The following ARID1B variants were observed in gnomAD, a reference collection of about 807,000 sequenced individuals.
ARID1B encodes the protein AT-rich interaction domain 1B.
A neutral mutation model predicts 212.3 loss-of-function variants in ARID1B; 30 were observed. The observed-to-expected ratio is 0.14, with a 90% CI of 0.11 to 0.19. The LOEUF (loss-of-function observed/expected upper bound fraction) is 0.19, where lower values mean the gene tolerates loss of function less well. Among genes scored for constraint, ARID1B ranks in the 10% least tolerant of loss-of-function variants. The pLI, the probability that ARID1B is intolerant of heterozygous loss-of-function variation, is 1.00. For synonymous variants in ARID1B, 1,402 were observed against 1,301.7 expected, an observed-to-expected ratio of 1.08 and a Z score of -1.66; for missense variants, 2,891 against 3,204.0, an observed-to-expected ratio of 0.90 and a Z score of 2.36.
At chr6:157,185,336 A>G (rs1792899121) in intron 13 of ARID1B, 1 of 152,338 alleles carries the variant, frequency 6.6e-6, no homozygotes, top group Admixed American at 6.5e-5. Flanking sequence ...AGCGACCTTC[A>G]GCACATTAGC....
At position 156,778,083 on chromosome 6, in the gene ARID1B, T is replaced by G. The variant is rs1348932780; in HGVS notation, c.403T>G (p.Ser135Ala). 1.4e-5 allele frequency: 22 copies of G among 1,539,296 alleles called. No individual in the cohort carries two copies. Among genetic ancestry groups the G allele is most frequent in the Non-Finnish European group, 1.9e-5 (22 of 1,146,188 alleles). Reference sequence around the variant, plus strand: ...GGCAGCGGCGGCATCCTCTTCCTCCTCGTCGGGCCCGGGCTCGGCCATGGA... The same window carrying G: ...GGCAGCGGCGGCATCCTCTTCCTCCGCGTCGGGCCCGGGCTCGGCCATGGA... Reference protein sequence around the residue: ...AAAAAASSSSSSGPGSAMETG... With the variant: ...AAAAAASSSSASGPGSAMETG... Residue 135 changes from serine to alanine, a missense_variant, in exon 1 of 20, where the codon TCG (serine) becomes GCG (alanine). Physicochemically the swap from Ser to Ala is moderately conservative, Grantham distance 99 (BLOSUM62 1). Around this residue, in one of 7 missense-constraint regions of ARID1B, gnomAD observed 1,643 missense variants for 1,544.0 expected, o/e 1.06. Coordinates refer to ENST00000636930, the MANE Select transcript of ARID1B (RefSeq NM_001374828.1).
rs1157820279 is a variant in ARID1B, at chr6:157,189,636, T to C, written c.3920-6T>C. 6.3e-7 allele frequency: 1 copy of C among 1,599,264 alleles called. No individual in the cohort carries two copies. The highest frequency in any genetic ancestry group is 8.5e-7 in the Non-Finnish European group (1 of 1,176,746). ...TTCCTGTTTCTCTTGGTGCTGCTAC[T>C]ATCAGCTAACTCGGGATCCTTGCAA... On this transcript the variant is annotated splice_region_variant and splice_polypyrimidine_tract_variant and intron_variant, in intron 13 of 19. Transcript: ENST00000636930.
At chr6:157,153,995 T>C (rs1473088080) in intron 8 of ARID1B, among the ~76,000 whole-genome samples, 1 of 152,224 alleles carries the variant, frequency 6.6e-6, no homozygotes, top group East Asian at 1.9e-4. Flanking sequence ...TGCGTGCAGA[T>C]GTGCACAGGT....
At chr6:157,136,486 C>A (rs547830378) in intron 7 of ARID1B, among the ~76,000 whole-genome samples, 152 of 152,292 alleles carry the variant, frequency 1.0e-3, no homozygotes, top group Admixed American at 3.9e-3. Context: ...TTCATTCATT[C>A]AGTAAGCCAC....
Position 156,879,063 on chromosome 6 carries a change from A to G in ARID1B, c.1987-22313A>G, listed in dbSNP as rs563409577. On this transcript the variant is annotated intron_variant, in intron 2 of 19. Coordinates refer to ENST00000636930, the MANE Select transcript of ARID1B (RefSeq NM_001374828.1). Reference sequence around the variant, plus strand: ...ACTACAGCTTCTGACTCCAGTGCCCATGGAGGCTCTCCTCCGCACCAGCCT... The same window carrying G: ...ACTACAGCTTCTGACTCCAGTGCCCGTGGAGGCTCTCCTCCGCACCAGCCT... Among the ~76,000 whole-genome samples the G allele has an allele frequency of 1.4e-4, 21 of 152,320 alleles. No homozygotes were observed. In the East Asian group the frequency reaches 3.7e-3, roughly 27 times the overall value.
Position 156,779,489 on chromosome 6 carries a change from C to T in ARID1B, c.1791+18C>T. 1 of 1,347,842 alleles carries T rather than the reference C, an allele frequency of 7.4e-7. No homozygotes were observed. The allele number at this position is 1,347,842 out of a possible 1,614,324, so 83.5% of individuals were successfully genotyped here. On this transcript the variant is annotated intron_variant, in intron 1 of 19. Coordinates refer to ENST00000636930, the MANE Select transcript of ARID1B (RefSeq NM_001374828.1). ...GATCCCAGGTAACCCTCGCGCCAGCCGGGCCTGCTTCCGCCCGGCGGCCTC... is the reference window on the plus strand; with the variant it reads ...GATCCCAGGTAACCCTCGCGCCAGCTGGGCCTGCTTCCGCCCGGCGGCCTC...
chr6:157,069,973 G>A (rs1430516915), intron 4 of ARID1B, among the ~76,000 whole-genome samples: 2 of 152,114 alleles, frequency 1.3e-5, no homozygotes, highest in Admixed American at 6.5e-5. Flanking sequence ...TCCTGATAGA[G>A]GATAGCCAGT....
intron 5 of ARID1B, among the ~76,000 whole-genome samples, chr6:157,098,973 A>AT (rs200515852): frequency 0.016 from 2,361 of 151,690 alleles, 16 homozygotes; most frequent in Middle Eastern, 0.065. Context: ...TATTTTTTTT[A>AT]TTTTTTTTGA....
chr6:157,181,349 GACC>G (rs1792518493), intron 12 of ARID1B, among the ~76,000 whole-genome samples, 171 bp downstream of exon 12: 1 of 152,122 alleles, frequency 6.6e-6, no homozygotes. Context: ...AGCACTGGGG[GACC>G]CTGGCTCTGC....
At chr6:156,954,028 A>G (rs1217157283) in intron 4 of ARID1B, among the ~76,000 whole-genome samples, 2 of 152,196 alleles carry the variant, frequency 1.3e-5, no homozygotes, top group Non-Finnish European at 2.9e-5. Flanking sequence ...CATTATTAAC[A>G]CAGGCTTTCC....
At chr6:156,799,593 C>T (rs1220196556) in intron 1 of ARID1B, among the ~76,000 whole-genome samples, 1 of 152,222 alleles carries the variant, frequency 6.6e-6, no homozygotes, top group African/African-American at 2.4e-5. Flanking sequence ...TCTCCTGCCT[C>T]AGCCTCCCTT....
intron 1 of ARID1B, among the ~76,000 whole-genome samples, chr6:156,826,032 A>C (rs1002051371): frequency 1.3e-5 from 2 of 152,264 alleles, no homozygotes; most frequent in Non-Finnish European, 2.9e-5. Flanking sequence ...ATGTAAAATC[A>C]GTATATTGTT....
At chr6:156,812,076 G>T (rs548553906) in intron 1 of ARID1B, among the ~76,000 whole-genome samples, 3 of 152,362 alleles carry the variant, frequency 2.0e-5, no homozygotes, top group Non-Finnish European at 2.9e-5. Flanking sequence ...GGCACAGGAG[G>T]TGCTCATTAA....
In ARID1B at chr6:157,141,153, G is replaced by A. The variant is rs181823932; in HGVS notation, c.2762-7471G>A. ...ATTCGATGCCTAAGAGCAGTACCTGGTATATTATCCTTGTGGAGTGAGACT... is the reference window on the plus strand; with the variant it reads ...ATTCGATGCCTAAGAGCAGTACCTGATATATTATCCTTGTGGAGTGAGACT... On this transcript the variant is annotated intron_variant, in intron 7 of 19. Transcript: ENST00000636930. 368 of 152,902 alleles carry A rather than the reference G, an allele frequency of 2.4e-3. 3 individuals carry two copies. Among genetic ancestry groups the A allele is most frequent in the African/African-American group, 8.5e-3 (355 of 41,600 alleles). 9.5% of individuals were successfully genotyped at this position (152,902 alleles called of 1,614,324 possible).
chr6:156,872,422 A>G (rs1786206095), intron 2 of ARID1B, among the ~76,000 whole-genome samples: 1 of 152,142 alleles, frequency 6.6e-6, no homozygotes, highest in South Asian at 2.1e-4. Flanking sequence ...CCCAGGTTCA[A>G]GTGATTCTCC....
intron 3 of ARID1B, among the ~76,000 whole-genome samples, chr6:156,916,539 A>G (rs557939013): frequency 6.6e-6 from 1 of 152,306 alleles, no homozygotes; most frequent in African/African-American, 2.4e-5. Context: ...AGACTTCATT[A>G]ACCGAGATTT....
intron 6 of ARID1B, among the ~76,000 whole-genome samples, chr6:157,131,830 A>G (rs575228320): frequency 2.1e-4 from 32 of 152,208 alleles, no homozygotes; most frequent in Middle Eastern, 3.4e-3. Context: ...AGCTGGGATT[A>G]CAGGCACCTG....
intron 3 of ARID1B, among the ~76,000 whole-genome samples, chr6:156,918,337 G>A (rs1041461413): frequency 6.6e-6 from 1 of 151,968 alleles, no homozygotes; most frequent in Non-Finnish European, 1.5e-5. Flanking sequence ...CAGATTTTGG[G>A]GGAAAATTAA....
At chr6:156,882,081 C>T (rs1787143721) in intron 2 of ARID1B, among the ~76,000 whole-genome samples, 2 of 152,232 alleles carry the variant, frequency 1.3e-5, no homozygotes, top group Admixed American at 6.5e-5. Flanking sequence ...CATCACTGCT[C>T]ATCCTGTCCT....
Sources: allele counts gnomAD v4.1 joint callset (sites outside exome capture counted in the v4.1 genomes callset), GRCh38; gene constraint gnomAD v4.1.1; regional missense constraint gnomAD v4.1.1; transcripts MANE v1.5; gene names NCBI Gene and HGNC (gene_info 2026-07-23, HGNC 2026-07-21).